Variants in IL20RA observed in about 807,000 individuals in gnomAD.
The protein encoded by IL20RA is interleukin 20 receptor subunit alpha.
A neutral mutation model predicts 36.5 loss-of-function variants in IL20RA; 29 were observed. The ratio of observed to expected loss-of-function variants is 0.79; its 90% CI spans 0.59 to 1.08. IL20RA has a LOEUF of 1.08. Among genes scored for constraint, IL20RA ranks in the 50% least tolerant of loss-of-function variants. The pLI is 0.00. For synonymous variants in IL20RA, 279 were observed against 267.1 expected (o/e 1.04, Z -0.43); for missense variants, 652 against 668.4 (o/e 0.98, Z 0.27).
At chr6:137,029,446 G>A (rs1251776350) in intron 1 of IL20RA, among the ~76,000 whole-genome samples, 1 of 152,244 alleles carries the variant, frequency 6.6e-6, no homozygotes, top group African/African-American at 2.4e-5. Context: ...GGCGGAGGTT[G>A]TAGAGAGCTG....
intron 2 of IL20RA, among the ~76,000 whole-genome samples, chr6:137,014,644 G>A (rs1314580180): frequency 6.6e-6 from 1 of 151,976 alleles, no homozygotes; most frequent in Non-Finnish European, 1.5e-5. Flanking sequence ...ATAAAATATT[G>A]TCATTTTAGA....
Position 137,002,290 on chromosome 6 carries a change from G to A in IL20RA, c.930C>T (p.Asn310=), listed in dbSNP as rs1013835569. ...FFVPAEKIVI[N]FITLNISDDS... is the part of the protein sequence containing the mutation. ...CATCCGAGATATTGAGGGTGATAAA[G>A]TTAATCACGATTTTTTCAGCAGGCA... Residue 310 remains asparagine, a synonymous_variant, in exon 7 of 7, where the codon AAC becomes AAT. Coordinates refer to ENST00000316649, the MANE Select transcript of IL20RA (RefSeq NM_014432.4). 6.2e-7 allele frequency: 1 copy of A among 1,609,310 alleles called. No homozygotes were observed. Among genetic ancestry groups the A allele is most frequent in the Non-Finnish European group, 8.5e-7 (1 of 1,178,546 alleles).
chr6:137,010,014 G>A (rs1164570576), intron 3 of IL20RA, among the ~76,000 whole-genome samples: 26 of 152,146 alleles, frequency 1.7e-4, no homozygotes, highest in Non-Finnish European at 2.2e-4. Flanking sequence ...CCTTCACACA[G>A]CCTGATCCCA....
intron 1 of IL20RA, among the ~76,000 whole-genome samples, chr6:137,026,639 A>G (rs374309793): frequency 6.6e-6 from 1 of 152,190 alleles, no homozygotes; most frequent in East Asian, 1.9e-4. Context: ...GTACAGAAAC[A>G]CCAGGGGATG....
In IL20RA at chr6:137,019,786, TA is replaced by T. The variant is rs1775834101; in HGVS notation, c.89-2684del. 2.6e-5 allele frequency among the ~76,000 whole-genome samples: 4 copies of T among 152,276 alleles called. No individual in the cohort carries two copies. The South Asian group carries it at 8.3e-4, about 32-fold the overall frequency. ...ATGAATAATGTGACAATAATAACATTAAAAAATAATGTTCTTATGCCATTCT... is the reference window on the plus strand; with the variant it reads ...ATGAATAATGTGACAATAATAACATTAAAAATAATGTTCTTATGCCATTCT... On this transcript the variant is annotated intron_variant, in intron 1 of 6. Coordinates refer to ENST00000316649, the MANE Select transcript of IL20RA (RefSeq NM_014432.4).
chr6:137,008,543 A>T, intron 5 of IL20RA, 56 bp downstream of exon 5: 10 of 1,502,452 alleles, frequency 6.7e-6, no homozygotes, highest in Non-Finnish European at 8.9e-7. Flanking sequence ...CATCATACCG[A>T]CTTCTAGTTT....
chr6:137,009,517 TATC>T, intron 3 of IL20RA, 25 bp from the exon 4 acceptor site: 1 of 1,499,158 alleles, frequency 6.7e-7, no homozygotes, highest in South Asian at 1.1e-5. Flanking sequence ...AAGAGGGTAT[TATC>T]ATGTTCAGAT....
intron 1 of IL20RA, among the ~76,000 whole-genome samples, chr6:137,040,329 C>T (rs976719009): frequency 1.3e-5 from 2 of 151,532 alleles, no homozygotes; most frequent in Non-Finnish European, 2.9e-5. Flanking sequence ...TTAGTCTATA[C>T]ACACATATTT....
intron 1 of IL20RA, among the ~76,000 whole-genome samples, chr6:137,031,243 C>T (rs1017513992): frequency 2.8e-4 from 43 of 152,156 alleles, no homozygotes; most frequent in African/African-American, 1.0e-3. Context: ...ACCTTTCAGC[C>T]TATAACAGCC....
intron 5 of IL20RA, among the ~76,000 whole-genome samples, chr6:137,006,941 C>G (rs574437898): frequency 6.6e-6 from 1 of 152,256 alleles, no homozygotes; most frequent in South Asian, 2.1e-4. Context: ...CCAGGCTGGT[C>G]TTGAACTCCT....
intron 1 of IL20RA, among the ~76,000 whole-genome samples, chr6:137,018,043 A>G (rs866096657): frequency 5.3e-5 from 8 of 152,240 alleles, no homozygotes; most frequent in African/African-American, 1.9e-4. Context: ...ATCAGGTTTT[A>G]TGAACAACTT....
chr6:137,011,203 G>C lies in IL20RA; in HGVS notation c.403+71C>G, dbSNP rs566142607. The stretch of plus-strand genomic sequence containing the variant: ...TACCTTCCTCTGGGCAAGGCTGTCT[G>C]TGAGGCTGAGACTGTTAAACCTGAT... On this transcript the variant is annotated intron_variant, in intron 3 of 6. Coordinates refer to ENST00000316649, the MANE Select transcript of IL20RA (RefSeq NM_014432.4). The C allele has an allele frequency of 6.2e-6, 8 of 1,289,288 alleles. No homozygotes were observed. The South Asian group carries it at 7.0e-5, about 11-fold the overall frequency. 79.9% of individuals were successfully genotyped at this position (1,289,288 alleles called of 1,614,324 possible).
chr6:137,012,594 A>G (rs944942616), intron 2 of IL20RA, among the ~76,000 whole-genome samples: 6 of 152,312 alleles, frequency 3.9e-5, no homozygotes, highest in Admixed American at 2.6e-4. Context: ...TTTGGAGTCA[A>G]TGTCATCAAA....
rs534018899 is a variant in IL20RA at position 137,023,373 on chromosome 6, G to A, written c.89-6270C>T. On this transcript the variant is annotated intron_variant, in intron 1 of 6. Transcript: ENST00000316649. Reference sequence around the variant, plus strand: ...CAGTGGCCAAGATGAAATCTAAGGAGTACAAAGGAGCTAGATCCCCCATCT... The same window carrying A: ...CAGTGGCCAAGATGAAATCTAAGGAATACAAAGGAGCTAGATCCCCCATCT... Among the ~76,000 whole-genome samples the A allele has an allele frequency of 2.1e-3, 313 of 152,308 alleles. 1 individual carries two copies. Among genetic ancestry groups the A allele is most frequent in the African/African-American group, 7.4e-3 (308 of 41,568 alleles).
At chr6:137,040,539 GT>G (rs144349762) in intron 1 of IL20RA, among the ~76,000 whole-genome samples, 10,066 of 152,200 alleles carry the variant, frequency 0.066, 628 homozygotes, top group African/African-American at 0.16. Context: ...AGTTAATGAA[GT>G]GCTCAAAAAA....
intron 1 of IL20RA, among the ~76,000 whole-genome samples, chr6:137,043,460 A>T (rs1776775624): frequency 6.6e-6 from 1 of 152,158 alleles, no homozygotes; most frequent in South Asian, 2.1e-4. Context: ...TGAAGGCTCA[A>T]TATTTGCACG....
At chr6:137,042,829 C>T (rs1193541847) in intron 1 of IL20RA, 1 of 152,170 alleles carries the variant, frequency 6.6e-6, no homozygotes, top group Non-Finnish European at 1.5e-5. Context: ...CCACGTTGTA[C>T]AGAAGACATT....
chr6:137,034,191 C>A (rs1776397469), intron 1 of IL20RA, among the ~76,000 whole-genome samples: 1 of 152,106 alleles, frequency 6.6e-6, no homozygotes, highest in African/African-American at 2.4e-5. Context: ...TAGATGACTA[C>A]CACTCAGAAA....
intron 1 of IL20RA, among the ~76,000 whole-genome samples, chr6:137,036,005 T>G (rs80253843): frequency 0.066 from 10,107 of 152,246 alleles, 637 homozygotes; most frequent in African/African-American, 0.16. Context: ...GGCAGAGGTC[T>G]CAGAAGAGTG....
Sources: allele counts gnomAD v4.1 joint callset (sites outside exome capture counted in the v4.1 genomes callset), GRCh38; gene constraint gnomAD v4.1.1; transcripts MANE v1.5; gene names NCBI Gene and HGNC (gene_info 2026-07-23, HGNC 2026-07-21).